The following ZNRF2 variants were observed in gnomAD, a reference collection of about 807,000 sequenced individuals.
The protein encoded by ZNRF2 is E3 ubiquitin-protein ligase ZNRF2.
In ZNRF2, 16 loss-of-function variants were observed where a neutral mutation model predicts 20.4. The observed-to-expected ratio is 0.79, with a 90% CI of 0.53 to 1.19. The LOEUF is 1.19. ZNRF2 is among the 50% of genes most tolerant of loss of function. The pLI is 0.00. For missense variants in ZNRF2, 363 were observed against 332.4 expected, an observed-to-expected ratio of 1.09 and a Z score of -0.72; for synonymous variants, 178 against 144.9, an observed-to-expected ratio of 1.23 and a Z score of -1.64.
chr7:30,340,499 A>G (rs1464353983), intron 2 of ZNRF2, among the ~76,000 whole-genome samples: 1 of 152,212 alleles, frequency 6.6e-6, no homozygotes, highest in Non-Finnish European at 1.5e-5. Flanking sequence ...CTGTTGAGAT[A>G]ATCATGTGGT....
chr7:30,340,889 T>C (rs1290267906), intron 2 of ZNRF2, among the ~76,000 whole-genome samples: 2 of 152,172 alleles, frequency 1.3e-5, no homozygotes, highest in African/African-American at 2.4e-5. Context: ...TTTTGGTTGA[T>C]AGGCTATTAA....
intron 1 of ZNRF2, among the ~76,000 whole-genome samples, chr7:30,293,793 CTTTTT>C (rs1409802192): frequency 6.6e-6 from 1 of 152,066 alleles, no homozygotes; most frequent in Non-Finnish European, 1.5e-5. Context: ...ATTCAGGGCT[CTTTTT>C]TTAGCGACGA....
intron 1 of ZNRF2, among the ~76,000 whole-genome samples, chr7:30,293,529 C>G (rs1311692753): frequency 1.3e-5 from 2 of 152,066 alleles, no homozygotes; most frequent in East Asian, 3.9e-4. Context: ...GATTACAGGC[C>G]TGAGTGCCCG....
At chr7:30,294,135 G>A (rs931742496) in intron 1 of ZNRF2, among the ~76,000 whole-genome samples, 2 of 151,842 alleles carry the variant, frequency 1.3e-5, no homozygotes, top group Non-Finnish European at 2.9e-5. Context: ...ATTTTTGTTG[G>A]TTTTTAATTT....
chr7:30,302,158 A>G (rs1259390112), intron 1 of ZNRF2, among the ~76,000 whole-genome samples: 1 of 152,202 alleles, frequency 6.6e-6, no homozygotes, highest in Non-Finnish European at 1.5e-5. Flanking sequence ...CTTACTTTTT[A>G]AAAATTACTG....
intron 2 of ZNRF2, among the ~76,000 whole-genome samples, chr7:30,328,907 T>C (rs770080092): frequency 7.2e-5 from 11 of 152,292 alleles, no homozygotes; most frequent in South Asian, 2.1e-4. Flanking sequence ...AAATTAAGAA[T>C]GCCACAGTGA....
chr7:30,286,997 G>A (rs1798802800), intron 1 of ZNRF2, among the ~76,000 whole-genome samples: 1 of 152,148 alleles, frequency 6.6e-6, no homozygotes, highest in South Asian at 2.1e-4. Context: ...ATTAAAAACA[G>A]GAATGTCATG....
In ZNRF2 at chr7:30,289,111, C is replaced by CT. The variant is rs1798849817; in HGVS notation, c.469+3286dup. The CT allele has an allele frequency of 2.0e-5, 3 of 152,334 alleles. No individual in the cohort carries two copies. The South Asian group carries it at 6.2e-4, about 32-fold the overall frequency. 9.4% of individuals were successfully genotyped at this position (152,334 alleles called of 1,614,324 possible). A position where few individuals can be genotyped will look rare whatever the true frequency, so the allele number is the denominator to read the frequency against. The stretch of plus-strand genomic sequence containing the variant: ...AAGTGAAAATGTAAAATGACTTAAT[C>CT]TAAGACAACCAGTGGTGCTGGGTTG... On this transcript the variant is annotated intron_variant, in intron 1 of 4. Coordinates refer to ENST00000323037, the MANE Select transcript of ZNRF2 (RefSeq NM_147128.4).
intron 1 of ZNRF2, among the ~76,000 whole-genome samples, chr7:30,291,993 T>A (rs868219870): frequency 6.6e-6 from 1 of 152,256 alleles, no homozygotes; most frequent in African/African-American, 2.4e-5. Flanking sequence ...AAAACTAACA[T>A]ACGGAAAAGC....
Position 30,285,243 on chromosome 7 carries a change from G to T in ZNRF2, c.-115G>T. On this transcript the variant is annotated 5_prime_UTR_variant, in exon 1 of 5. Transcript: ENST00000323037. ...CCGGGCGGCGGCCCTGGACGTGCGG[G>T]GGCCTCTCTGGGCCGGCCGCGGCGC... 1 of 709,494 alleles carries T rather than the reference G, an allele frequency of 1.4e-6. No individual in the cohort carries two copies. Among genetic ancestry groups the T allele is most frequent in the South Asian group, 4.8e-5 (1 of 21,028 alleles). The allele number at this position is 709,494 out of a possible 1,614,324, so 43.9% of individuals were successfully genotyped here. A position where few individuals can be genotyped will look rare whatever the true frequency, so the allele number is the denominator to read the frequency against.
In ZNRF2 at chr7:30,298,219, C is replaced by T. The variant is rs1365190701; in HGVS notation, c.469+12393C>T. ...TATTACTGATACGAATTTACATGTG[C>T]ATCTGTTTGTGTATATATGTATGTG... On this transcript the variant is annotated intron_variant, in intron 1 of 4. Coordinates refer to ENST00000323037, the MANE Select transcript of ZNRF2 (RefSeq NM_147128.4). 5.3e-5 allele frequency among the ~76,000 whole-genome samples: 8 copies of T among 151,792 alleles called. No homozygotes were observed. The East Asian group carries it at 1.5e-3, about 29-fold the overall frequency.
At chr7:30,303,759 C>T (rs915800291) in intron 1 of ZNRF2, among the ~76,000 whole-genome samples, 1 of 152,204 alleles carries the variant, frequency 6.6e-6, no homozygotes, top group Non-Finnish European at 1.5e-5. Flanking sequence ...TTGTTACACA[C>T]ATTTTTGGGC....
At chr7:30,307,326 G>GTTTTTTTTTTTTTTTTTTTTTT (rs78007797) in intron 1 of ZNRF2, among the ~76,000 whole-genome samples, 3 of 43,234 alleles carry the variant, frequency 6.9e-5, no homozygotes, top group Non-Finnish European at 9.5e-5. Context: ...GTTTTTTTTT[G>GTTTTTTTTTTTTTTTTTTTTTT]TTTTTTTTTT....
chr7:30,287,661 T>C (rs28666654), intron 1 of ZNRF2, among the ~76,000 whole-genome samples: 18,036 of 133,942 alleles, frequency 0.13, 2,656 homozygotes, highest in African/African-American at 0.39. Flanking sequence ...TGTGCACTCA[T>C]TATAGTTCTT....
chr7:30,288,890 G>T (rs1285552302), intron 1 of ZNRF2: 1 of 152,114 alleles, frequency 6.6e-6, no homozygotes, highest in Admixed American at 6.5e-5. Flanking sequence ...GGTTTGTTTG[G>T]CTTTAATTTA....
chr7:30,326,297 C>T (rs1162764427), intron 2 of ZNRF2, among the ~76,000 whole-genome samples: 1 of 152,086 alleles, frequency 6.6e-6, no homozygotes, highest in African/African-American at 2.4e-5. Context: ...TACTCTCCAC[C>T]CTCTGGTAGG....
Position 30,285,020 on chromosome 7 carries a change from C to G in ZNRF2, c.-338C>G. ...GCAGCAGAGAGCGGTAGCGGCCCGT[C>G]GTGGCGCACCAGAACCGAAACCAGC... On this transcript the variant is annotated 5_prime_UTR_variant, in exon 1 of 5. Coordinates refer to ENST00000323037, the MANE Select transcript of ZNRF2 (RefSeq NM_147128.4). The G allele has an allele frequency of 2.0e-5, 8 of 399,224 alleles. No homozygotes were observed. Among genetic ancestry groups the G allele is most frequent in the South Asian group, 5.1e-5 (3 of 59,146 alleles). 24.7% of individuals were successfully genotyped at this position (399,224 alleles called of 1,614,324 possible).
At chr7:30,343,503 C>G (rs984426872) in intron 2 of ZNRF2, among the ~76,000 whole-genome samples, 1 of 152,066 alleles carries the variant, frequency 6.6e-6, no homozygotes, top group Non-Finnish European at 1.5e-5. Flanking sequence ...TATTTTTTTT[C>G]CTTTACAAAT....
intron 3 of ZNRF2, among the ~76,000 whole-genome samples, chr7:30,361,556 C>G (rs995015555): frequency 6.6e-6 from 1 of 152,122 alleles, no homozygotes; most frequent in Non-Finnish European, 1.5e-5. Flanking sequence ...CAAGTAATAG[C>G]TAGTTAGTAG....
Sources: allele counts gnomAD v4.1 joint callset (sites outside exome capture counted in the v4.1 genomes callset), GRCh38; gene constraint gnomAD v4.1.1; transcripts MANE v1.5; gene names NCBI Gene and HGNC (gene_info 2026-07-23, HGNC 2026-07-21).